The following MORC2 variants were observed in gnomAD, a reference collection of about 807,000 sequenced individuals.
MORC2 encodes the protein ATPase MORC2.
A neutral mutation model predicts 136.0 loss-of-function variants in MORC2; 30 were observed. That is an observed-to-expected ratio of 0.22 (90% CI 0.17 to 0.30). The LOEUF is 0.30. MORC2 is among the 10% of genes least tolerant of loss of function. The pLI is 1.00. For synonymous variants in MORC2, 439 were observed against 487.0 expected, an observed-to-expected ratio of 0.90 and a Z score of 1.30; for missense variants, 922 against 1,333.1, an observed-to-expected ratio of 0.69 and a Z score of 4.80.
chr22:30,957,683 A>G lies in MORC2; in HGVS notation c.123-886T>C, dbSNP rs1173272424. Among the ~76,000 whole-genome samples the G allele has an allele frequency of 4.6e-5, 7 of 152,354 alleles. 1 individual carries two copies. Among genetic ancestry groups the G allele is most frequent in the Admixed American group, 4.6e-4 (7 of 15,304 alleles). Reference sequence around the variant, plus strand: ...AAATTAACAAGTGGCAAATTCAAACACAGTTCCATTAACCTACAACACTTT... The same window carrying G: ...AAATTAACAAGTGGCAAATTCAAACGCAGTTCCATTAACCTACAACACTTT... On this transcript the variant is annotated intron_variant, in intron 2 of 25. Coordinates refer to ENST00000397641, the MANE Select transcript of MORC2 (RefSeq NM_001303256.3).
chr22:30,950,420 T>C lies in MORC2; in HGVS notation c.183A>G (p.Gly61=), dbSNP rs2147286636. The change falls in exon 4 of 26, where the codon GGA becomes GGG. Residue 61 remains glycine, a synonymous_variant. Transcript: ENST00000397641. The stretch of plus-strand genomic sequence containing the variant: ...CATCATCCAAAAAGCAAAGCATAAA[T>C]CCTCCTCGAAGGTCCTCTCGTCTTT... ...YAERREDLRG[G]FMLCFLDDGA... is the part of the protein sequence containing the mutation. 7.3e-7 allele frequency: 1 copy of C among 1,379,110 alleles called. No homozygotes were observed. Among genetic ancestry groups the C allele is most frequent in the East Asian group, 4.0e-5 (1 of 24,786 alleles). The allele number at this position is 1,379,110 out of a possible 1,614,324, so 85.4% of individuals were successfully genotyped here.
At chr22:30,963,064 C>T (rs1363343017) in intron 1 of MORC2, among the ~76,000 whole-genome samples, 3 of 152,018 alleles carry the variant, frequency 2.0e-5, no homozygotes, top group African/African-American at 4.8e-5. Flanking sequence ...CTCCGCCTCC[C>T]GGGTTCAGGC....
At chr22:30,933,928 G>A (rs1489368166) in intron 20 of MORC2, 132 bp downstream of exon 20, 2 of 1,079,966 alleles carry the variant, frequency 1.9e-6, no homozygotes, top group Non-Finnish European at 2.7e-6. Context: ...TGCTGGTGGG[G>A]GGGGTAGACT....
In MORC2 at chr22:30,941,906, G is replaced by C; in HGVS notation, c.683C>G (p.Thr228Arg). ...SNPRDIQMAETSPEGTKPERR... is the reference protein window; with the variant it reads ...SNPRDIQMAERSPEGTKPERR... ...CCACACTCACGTGCCCTCTGGGGACGTCTCTGCCATCTGGATATCTCTTGG... is the reference window on the plus strand; with the variant it reads ...CCACACTCACGTGCCCTCTGGGGACCTCTCTGCCATCTGGATATCTCTTGG... Residue 228 changes from threonine to arginine, a missense_variant, in exon 8 of 26, where the codon ACG becomes AGG. By Grantham distance (71) the Thr-to-Arg change is moderately conservative. Transcript: ENST00000397641. This position sits in a 1 kb window ranked among gnomAD's most constrained non-coding sequence, Gnocchi z 4.6. 1 of 1,612,366 alleles carries C rather than the reference G, an allele frequency of 6.2e-7. No individual in the cohort carries two copies.
chr22:30,931,157 T>C (rs2040570620), intron 24 of MORC2, among the ~76,000 whole-genome samples: 1 of 152,090 alleles, frequency 6.6e-6, no homozygotes. Context: ...GCATCTCCCA[T>C]CCACCCATTC....
rs2040606407 is a variant in MORC2, at chr22:30,933,467, T to A, written c.2379A>T (p.Lys793Asn). ...EDSADLKRAQ[K>N]DKGLHVEVRV... is the part of the protein sequence containing the mutation. ...TGCCAAGTCACTCCCCCAGCTCACC[T>A]TTCTGAGCTCTCTTGAGGTCAGCCG... is the stretch of plus-strand genomic sequence containing the variant. The change falls in exon 21 of 26, where the codon AAA (lysine) becomes AAT (asparagine). Residue 793 changes from lysine to asparagine, a missense_variant and splice_region_variant. By Grantham distance (94) the Lys-to-Asn change is moderately conservative (BLOSUM62 0). Around this residue, in one of 9 missense-constraint regions of MORC2, gnomAD observed 263 missense variants for 388.3 expected, o/e 0.68. Transcript: ENST00000397641. 4 of 1,613,520 alleles carry A rather than the reference T, an allele frequency of 2.5e-6. No homozygotes were observed. Among genetic ancestry groups the A allele is most frequent in the Non-Finnish European group, 2.5e-6 (3 of 1,179,770 alleles).
chr22:30,941,772 A>T lies in MORC2; in HGVS notation c.698+119T>A. On this transcript the variant is annotated intron_variant, in intron 8 of 25. Coordinates refer to ENST00000397641, the MANE Select transcript of MORC2 (RefSeq NM_001303256.3). This position sits in a 1 kb window ranked among gnomAD's most constrained non-coding sequence, Gnocchi z 4.6. ...CCACAGGCAACTGAGCTGGCCCTAC[A>T]TACTACCCTACCACAGAACACTGGG... 1.7e-6 allele frequency: 2 copies of T among 1,151,294 alleles called. No individual in the cohort carries two copies. Among genetic ancestry groups the T allele is most frequent in the Non-Finnish European group, 2.5e-6 (2 of 793,152 alleles). The allele number at this position is 1,151,294 out of a possible 1,614,324, so 71.3% of individuals were successfully genotyped here.
Position 30,934,717 on chromosome 22 carries a change from T to G in MORC2, c.2193+64A>C. ...GGCTCCCCCAGTACAGCTGTGACAC[T>G]GCACAATTCCATTCCTACACTACTG... On this transcript the variant is annotated intron_variant, in intron 19 of 25. Transcript: ENST00000397641. This position sits in a 1 kb window ranked among gnomAD's most constrained non-coding sequence, Gnocchi z 4.4. 6.4e-7 allele frequency: 1 copy of G among 1,573,634 alleles called. No individual in the cohort carries two copies. The highest frequency in any genetic ancestry group is 1.2e-5 in the South Asian group (1 of 85,344).
chr22:30,935,405 G>A, intron 17 of MORC2, 83 bp from the exon 18 acceptor site: 9 of 1,374,292 alleles, frequency 6.5e-6, no homozygotes, highest in Admixed American at 6.2e-5. Flanking sequence ...TGGAACCAGG[G>A]ACAAAAAAAA....
intron 4 of MORC2, 24 bp downstream of exon 4, chr22:30,950,353 C>CCCAAAAAAAAAAAAAA: frequency 4.7e-6 from 7 of 1,481,916 alleles, no homozygotes; most frequent in Non-Finnish European, 6.6e-6. Flanking sequence ...CCCCACCCCC[C>CCCAAAAAAAAAAAAAA]AAAACAATAA....
Position 30,934,995 on chromosome 22 carries a change from T to C in MORC2, c.1979A>G (p.Glu660Gly). The C allele has an allele frequency of 1.2e-6, 2 of 1,613,986 alleles. No individual in the cohort carries two copies. Among genetic ancestry groups the C allele is most frequent in the Non-Finnish European group, 1.7e-6 (2 of 1,179,998 alleles). Residue 660 changes from glutamate to glycine, a missense_variant, in exon 19 of 26, where the codon GAG (glutamate) becomes GGG (glycine). By Grantham distance (98) the Glu-to-Gly change is moderately conservative (BLOSUM62 -2). Transcript: ENST00000397641. The surrounding 1 kb of genome is among the most constrained non-coding windows in gnomAD (Gnocchi z 4.4). ...GAGCAGCCTAGATGTGCTGGCCTCC[T>C]CCCGGGCTGCCAAAGCAGGGAGCTT... ...TPKLPALAAR[E>G]EASTSRLLQP...
rs186719954 is a variant in MORC2 at position 30,951,324 on chromosome 22, T to C, written c.158-879A>G. 2.6e-5 allele frequency among the ~76,000 whole-genome samples: 4 copies of C among 152,320 alleles called. No individual in the cohort carries two copies. In the East Asian group the frequency reaches 5.8e-4, roughly 22 times the overall value. ...AAGTGGTCTGGGTCCAAGCATGTCA[T>C]GGTCAATGGAGAAGCGATTCCCAAA... On this transcript the variant is annotated intron_variant, in intron 3 of 25. Transcript: ENST00000397641.
Position 30,934,178 on chromosome 22 carries a change from C to T in MORC2, c.2207G>A (p.Arg736Gln), listed in dbSNP as rs957333682. 11 of 1,614,024 alleles carry T rather than the reference C, an allele frequency of 6.8e-6. No individual in the cohort carries two copies. The highest frequency in any genetic ancestry group is 9.3e-6 in the Non-Finnish European group (11 of 1,180,036). ...ATCAGAAACTGCGACACTCCGCTTC[C>T]GACTAGGGGTAGCCTAGAGCAAGAG... is the stretch of plus-strand genomic sequence containing the variant. ...PIKLSPATPSRKRSVAVSDEE... is the reference protein window; with the variant it reads ...PIKLSPATPSQKRSVAVSDEE... The change falls in exon 20 of 26, where the codon CGG becomes CAG. Residue 736 changes from arginine to glutamine, a missense_variant. Coordinates refer to ENST00000397641, the MANE Select transcript of MORC2 (RefSeq NM_001303256.3). This position sits in a 1 kb window ranked among gnomAD's most constrained non-coding sequence, Gnocchi z 4.4.
rs1319360253 is a variant in MORC2 at position 30,942,195 on chromosome 22, T to C, written c.503A>G (p.Glu168Gly). The C allele has an allele frequency of 4.3e-6, 7 of 1,614,156 alleles. No homozygotes were observed. Among genetic ancestry groups the C allele is most frequent in the Non-Finnish European group, 5.9e-6 (7 of 1,179,996 alleles). ...AGAGTACTTATAGATGAGTTCTGTCTCAATGGCAAATTTCTCTACATTGTC... is the reference window on the plus strand; with the variant it reads ...AGAGTACTTATAGATGAGTTCTGTCCCAATGGCAAATTTCTCTACATTGTC... ...VTDNVEKFAIETELIYKYSPF... is the reference protein window; with the variant it reads ...VTDNVEKFAIGTELIYKYSPF... The change falls in exon 7 of 26, where the codon GAG (glutamate) becomes GGG (glycine). Residue 168 changes from glutamate (E) to glycine (G), a missense_variant. By Grantham distance (98) the Glu-to-Gly change is moderately conservative (BLOSUM62 -2). Around this residue, in one of 9 missense-constraint regions of MORC2, gnomAD observed 261 missense variants for 354.3 expected, o/e 0.74. Coordinates refer to ENST00000397641, the MANE Select transcript of MORC2 (RefSeq NM_001303256.3).
chr22:30,962,594 CA>C (rs11317522), intron 1 of MORC2, among the ~76,000 whole-genome samples: 49,554 of 117,200 alleles, frequency 0.42, 8,956 homozygotes, highest in African/African-American at 0.56. Flanking sequence ...GACCCTGTCT[CA>C]AAAAAAAAAA....
intron 6 of MORC2, 32 bp from the exon 7 acceptor site, chr22:30,942,303 G>A: frequency 6.3e-7 from 1 of 1,588,228 alleles, no homozygotes. Flanking sequence ...GCACTTTAAG[G>A]GAAGCCCCAG....
intron 21 of MORC2, 58 bp downstream of exon 21, chr22:30,933,408 C>T: frequency 6.3e-7 from 1 of 1,580,636 alleles, no homozygotes; most frequent in Non-Finnish European, 8.7e-7. Flanking sequence ...TAAGGGGCTC[C>T]ACTTCCACTC....
At chr22:30,939,773 TACATCTAAG>T in intron 11 of MORC2, 67 bp from the exon 12 acceptor site, 1 of 1,491,708 alleles carries the variant, frequency 6.7e-7, no homozygotes, top group Non-Finnish European at 9.2e-7. Flanking sequence ...ATTGAAACAT[TACATCTAAG>T]ACATCTCAAT....
Position 30,933,492 on chromosome 22 carries a change from G to A in MORC2, c.2354C>T (p.Ser785Leu), listed in dbSNP as rs551185965. 3.8e-5 allele frequency: 62 copies of A among 1,613,732 alleles called. No homozygotes were observed. Among genetic ancestry groups the A allele is most frequent in the Admixed American group, 2.3e-4 (14 of 59,972 alleles). The change falls in exon 21 of 26, where the codon TCG becomes TTG. Residue 785 changes from serine (S) to leucine (L), a missense_variant. Physicochemically the swap from Ser to Leu is moderately radical, Grantham distance 145 (BLOSUM62 -2). Around this residue, in one of 9 missense-constraint regions of MORC2, gnomAD observed 263 missense variants for 388.3 expected, o/e 0.68. Transcript: ENST00000397641. ...ELSDSAGEEDSADLKRAQKDK... is the reference protein window; with the variant it reads ...ELSDSAGEEDLADLKRAQKDK... ...TTTCTGAGCTCTCTTGAGGTCAGCC[G>A]AGTCCTCTTCCCCAGCACTGTCTGA...
Sources: gnomAD v4.1 joint callset for allele counts (sites outside exome capture counted in the v4.1 genomes callset) on GRCh38, gnomAD v4.1.1 for gene constraint, gnomAD v4.1.1 regional missense constraint, Gnocchi (gnomAD v3.1) non-coding constraint, MANE v1.5 for transcripts, NCBI Gene and HGNC (gene_info 2026-07-23, HGNC 2026-07-21) for gene names.